Variants in LRRK2 observed in about 807,000 individuals in gnomAD.
LRRK2 encodes the protein leucine rich repeat kinase 2, also known as leucine-rich repeat serine/threonine-protein kinase 2.
In LRRK2, 203 loss-of-function variants were observed where a neutral mutation model predicts 302.6. That is an observed-to-expected ratio of 0.67 (90% CI 0.60 to 0.75). The LOEUF (loss-of-function observed/expected upper bound fraction) is 0.75, where lower values mean the gene tolerates loss of function less well. Ranked by LOEUF, LRRK2 falls within the 30% of genes least tolerant of loss-of-function variation. The pLI is 0.00. For missense variants in LRRK2, 2,830 were observed against 2,951.0 expected, an observed-to-expected ratio of 0.96 and a Z score of 0.95; for synonymous variants, 1,066 against 1,031.9, an observed-to-expected ratio of 1.03 and a Z score of -0.63.
At chr12:40,246,723 A>G (rs1326101163) in intron 7 of LRRK2, among the ~76,000 whole-genome samples, 1 of 152,134 alleles carries the variant, frequency 6.6e-6, no homozygotes, top group Non-Finnish European at 1.5e-5. Context: ...AGTTTAGGAT[A>G]TGATCCAGGC....
intron 7 of LRRK2, 69 bp from the exon 8 acceptor site, chr12:40,249,757 G>A (rs777448959): frequency 3.8e-5 from 58 of 1,517,100 alleles, no homozygotes; most frequent in Non-Finnish European, 4.8e-5. Context: ...GATGTAAATA[G>A]TGTTATATGT....
chr12:40,322,136 C>G lies in LRRK2; in HGVS notation c.5272C>G (p.His1758Asp). The change falls in exon 36 of 51, where the codon CAT becomes GAT. Residue 1758 changes from histidine to aspartate, a missense_variant. Physicochemically the swap from His to Asp is moderately conservative, Grantham distance 81 (BLOSUM62 -1). Transcript: ENST00000298910. ...CLVGSEVLDN[H>D]PESFLKITVP... ...GGTAGGATCTGAAGTCTTAGACAATCATCCAGAGAGTTTCTTAAAAATTAC... is the reference window on the plus strand; with the variant it reads ...GGTAGGATCTGAAGTCTTAGACAATGATCCAGAGAGTTTCTTAAAAATTAC... 6.2e-7 allele frequency: 1 copy of G among 1,612,640 alleles called. No individual in the cohort carries two copies. Among genetic ancestry groups the G allele is most frequent in the Non-Finnish European group, 8.5e-7 (1 of 1,179,072 alleles).
chr12:40,359,370 A>G lies in LRRK2; in HGVS notation c.6954A>G (p.Gly2318=), dbSNP rs1467052487. ...NSTERNVMWG[G]CGTKIFSFSN... ...CGGAAAGAAATGTAATGTGGGGAGG[A>G]TGTGGCACAAAGATTTTCTCCTTTT... is the stretch of plus-strand genomic sequence containing the variant. Residue 2318 remains glycine (G), a synonymous_variant, in exon 47 of 51, where the codon GGA becomes GGG. Coordinates refer to ENST00000298910, the MANE Select transcript of LRRK2 (RefSeq NM_198578.4). 1 of 1,613,362 alleles carries G rather than the reference A, an allele frequency of 6.2e-7. No homozygotes were observed. Among genetic ancestry groups the G allele is most frequent in the East Asian group, 2.2e-5 (1 of 44,756 alleles).
intron 11 of LRRK2, among the ~76,000 whole-genome samples, chr12:40,255,151 A>G (rs970517497): frequency 1.3e-5 from 2 of 152,182 alleles, no homozygotes; most frequent in Admixed American, 6.5e-5. Flanking sequence ...TTAAGTAAAA[A>G]TCCCAGGCTC....
chr12:40,273,784 G>T (rs1943333418), intron 14 of LRRK2, among the ~76,000 whole-genome samples: 1 of 152,164 alleles, frequency 6.6e-6, no homozygotes, highest in African/African-American at 2.4e-5. Flanking sequence ...GGAGTGTATT[G>T]CTTGTGTGTG....
intron 5 of LRRK2, among the ~76,000 whole-genome samples, chr12:40,239,488 C>A (rs960278933): frequency 6.6e-6 from 1 of 152,114 alleles, no homozygotes. Flanking sequence ...TTATCACCAT[C>A]GTTGTTTAGT....
In LRRK2 at chr12:40,354,331, C is replaced by A; in HGVS notation, c.6609C>A (p.Ala2203=). ...CTGATAGTAGAATATTGTGCTTAGC[C>A]TTGGTGCATCTTCCTGTTGAAAAGG... The part of the protein sequence containing the change: ...EVADSRILCL[A]LVHLPVEKES... Residue 2203 remains alanine, a synonymous_variant, in exon 45 of 51, where the codon GCC becomes GCA. Coordinates refer to ENST00000298910, the MANE Select transcript of LRRK2 (RefSeq NM_198578.4). 6.2e-7 allele frequency: 1 copy of A among 1,613,968 alleles called. No individual in the cohort carries two copies. Among genetic ancestry groups the A allele is most frequent in the Non-Finnish European group, 8.5e-7 (1 of 1,179,956 alleles).
chr12:40,364,809 G>A (rs201895308), intron 48 of LRRK2, 33 bp from the exon 49 acceptor site: 1 of 1,494,716 alleles, frequency 6.7e-7, no homozygotes, highest in Non-Finnish European at 9.3e-7. Context: ...TTAATTGGTG[G>A]TAAAATTATT....
chr12:40,259,099 G>T (rs1942653843), intron 12 of LRRK2, among the ~76,000 whole-genome samples: 1 of 152,082 alleles, frequency 6.6e-6, no homozygotes, highest in Non-Finnish European at 1.5e-5. Context: ...GACAAGTTTG[G>T]GTACCAGCCT....
intron 19 of LRRK2, among the ~76,000 whole-genome samples, chr12:40,284,561 C>A (rs1296698294): frequency 6.6e-6 from 1 of 151,930 alleles, no homozygotes; most frequent in African/African-American, 2.4e-5. Context: ...AAAGCATACA[C>A]ACATATTTAT....
At chr12:40,333,823 T>C (rs1238455550) in intron 39 of LRRK2, among the ~76,000 whole-genome samples, 1 of 152,034 alleles carries the variant, frequency 6.6e-6, no homozygotes, top group Non-Finnish European at 1.5e-5. Flanking sequence ...GAGGGATTTC[T>C]AGGGAAAGGG....
chr12:40,303,384 CT>C (rs556951650), intron 26 of LRRK2, among the ~76,000 whole-genome samples: 36 of 152,050 alleles, frequency 2.4e-4, no homozygotes, highest in Non-Finnish European at 4.1e-4. Context: ...GTGTTGTAAT[CT>C]TAAATGCTAT....
intron 49 of LRRK2, 105 bp from the exon 50 acceptor site, chr12:40,366,901 G>A (rs1946895279): frequency 2.6e-6 from 2 of 774,358 alleles, no homozygotes; most frequent in South Asian, 3.1e-5. Flanking sequence ...TGTGAATTCA[G>A]TTCCAAGGTA....
chr12:40,329,829 C>T (rs1480894433), intron 39 of LRRK2, among the ~76,000 whole-genome samples: 1 of 152,164 alleles, frequency 6.6e-6, no homozygotes. Context: ...TCACCTTAAC[C>T]TTCTGAGTAC....
intron 39 of LRRK2, among the ~76,000 whole-genome samples, chr12:40,331,616 T>C (rs1056478926): frequency 3.3e-5 from 5 of 151,784 alleles, no homozygotes; most frequent in African/African-American, 1.2e-4. Context: ...AATCTCATAA[T>C]GTTTTAAGAA....
chr12:40,333,940 A>G (rs1945791493), intron 39 of LRRK2, among the ~76,000 whole-genome samples: 1 of 151,992 alleles, frequency 6.6e-6, no homozygotes. Context: ...GGGGGAGACG[A>G]GAAGGTCTGG....
At chr12:40,323,982 G>A (rs1945476676) in intron 38 of LRRK2, among the ~76,000 whole-genome samples, 1 of 151,920 alleles carries the variant, frequency 6.6e-6, no homozygotes, top group Non-Finnish European at 1.5e-5. Context: ...TTGACTTCCT[G>A]CACATGGATT....
intron 4 of LRRK2, among the ~76,000 whole-genome samples, chr12:40,237,624 A>C (rs1941524808): frequency 6.6e-6 from 1 of 152,154 alleles, no homozygotes; most frequent in Admixed American, 6.5e-5. Context: ...GGAGTAGGCC[A>C]GGTTTGGGGT....
chr12:40,237,536 G>A lies in LRRK2; in HGVS notation c.437-433G>A, dbSNP rs188926371. Among the ~76,000 whole-genome samples the A allele has an allele frequency of 1.3e-3, 193 of 152,224 alleles. 2 individuals carry two copies. The highest frequency in any genetic ancestry group is 4.3e-3 in the African/African-American group (177 of 41,548). ...ATAGAGAATGAGAAGAGAAAGGAGG[G>A]TGGAAGAAGGAAGATGACTTAGGAG... On this transcript the variant is annotated intron_variant, in intron 4 of 50. Coordinates refer to ENST00000298910, the MANE Select transcript of LRRK2 (RefSeq NM_198578.4).
Sources: allele counts gnomAD v4.1 joint callset (sites outside exome capture counted in the v4.1 genomes callset), GRCh38; gene constraint gnomAD v4.1.1; transcripts MANE v1.5; gene names NCBI Gene and HGNC (gene_info 2026-07-23, HGNC 2026-07-21).